ADAT2: variants seen among roughly 807,000 people sequenced by gnomAD.
ADAT2 encodes tRNA-specific adenosine-34 deaminase catalytic subunit ADAT2.
In ADAT2, 26 loss-of-function variants were observed where a neutral mutation model predicts 25.9. The observed-to-expected ratio is 1.00, with a 90% CI of 0.74 to 1.39. The LOEUF is 1.39. Among genes scored for constraint, ADAT2 ranks in the 40% most tolerant of loss-of-function variants. The pLI is 0.00. For missense variants in ADAT2, 220 were observed against 244.8 expected (o/e 0.90, Z 0.68); for synonymous variants, 76 against 86.8 (o/e 0.88, Z 0.69).
intron 1 of ADAT2, chr6:143,441,776 T>C (rs980294824): frequency 6.6e-6 from 1 of 151,996 alleles, no homozygotes; most frequent in Non-Finnish European, 1.5e-5. Flanking sequence ...ATAACACACA[T>C]AGCAAATAAG....
At position 143,442,476 on chromosome 6, in the gene ADAT2, TACACACACACAC is replaced by T. The variant is rs35133336; in HGVS notation, c.97-3794_97-3783del. 2.1e-5 allele frequency among the ~76,000 whole-genome samples: 3 copies of T among 142,142 alleles called. No homozygotes were observed. Among genetic ancestry groups the T allele is most frequent in the East Asian group, 2.1e-4 (1 of 4,828 alleles). The allele number at this position is 142,142 out of a possible 152,430, so 93.3% of individuals were successfully genotyped here. ...CATGACAAAATTGCATAGGCACGCA[TACACACACACAC>T]ACACACACACACACACACACACGTA... On this transcript the variant is annotated intron_variant, in intron 1 of 5. Coordinates refer to ENST00000237283, the MANE Select transcript of ADAT2 (RefSeq NM_182503.3). The surrounding 1 kb of genome is among the most constrained non-coding windows in gnomAD (Gnocchi z 4.6).
chr6:143,426,499 G>A lies in ADAT2; in HGVS notation c.*1964C>T, dbSNP rs999804174. ...TACTGAAGAGGGAACCAAAAAGATGGTAAACCACAATTAAATTGTTCAGCT... is the reference window on the plus strand; with the variant it reads ...TACTGAAGAGGGAACCAAAAAGATGATAAACCACAATTAAATTGTTCAGCT... On this transcript the variant is annotated 3_prime_UTR_variant, in exon 6 of 6. Transcript: ENST00000237283. The surrounding 1 kb of genome is among the most constrained non-coding windows in gnomAD (Gnocchi z 4.1). 1 of 152,148 alleles carries A rather than the reference G, an allele frequency of 6.6e-6. No homozygotes were observed. Among genetic ancestry groups the A allele is most frequent in the African/African-American group, 2.4e-5 (1 of 41,432 alleles). The allele number at this position is 152,148 out of a possible 1,614,324, so 9.4% of individuals were successfully genotyped here.
rs1779017988 is a variant in ADAT2 at position 143,428,745 on chromosome 6, T to C, written c.460-61A>G. The C allele has an allele frequency of 1.4e-6, 2 of 1,460,846 alleles. No individual in the cohort carries two copies. The highest frequency in any genetic ancestry group is 2.4e-5 in the South Asian group (2 of 84,146). The allele number at this position is 1,460,846 out of a possible 1,614,324, so 90.5% of individuals were successfully genotyped here. On this transcript the variant is annotated intron_variant, in intron 4 of 5. Coordinates refer to ENST00000237283, the MANE Select transcript of ADAT2 (RefSeq NM_182503.3). This position sits in a 1 kb window ranked among gnomAD's most constrained non-coding sequence, Gnocchi z 5.0. ...CTATGAAAATGTGTGCTGTATCCCA[T>C]AAAAACAACATATATATACATGATT... is the stretch of plus-strand genomic sequence containing the variant.
rs534181429 is a variant in ADAT2 at position 143,431,893 on chromosome 6, T to C, written c.459+612A>G. Reference sequence around the variant, plus strand: ...CTGAAATACAAATTCCTTTTGTTCATAGTCTGACCCATAAAAACTTTGGGA... The same window carrying C: ...CTGAAATACAAATTCCTTTTGTTCACAGTCTGACCCATAAAAACTTTGGGA... On this transcript the variant is annotated intron_variant, in intron 4 of 5. Coordinates refer to ENST00000237283, the MANE Select transcript of ADAT2 (RefSeq NM_182503.3). Among the ~76,000 whole-genome samples the C allele has an allele frequency of 2.6e-5, 4 of 152,188 alleles. No individual in the cohort carries two copies. In the East Asian group the frequency reaches 5.8e-4, roughly 22 times the overall value.
chr6:143,447,375 C>T (rs1212743732), intron 1 of ADAT2, among the ~76,000 whole-genome samples: 2 of 152,046 alleles, frequency 1.3e-5, no homozygotes, highest in Non-Finnish European at 2.9e-5. Context: ...GGTAGTCACT[C>T]CATAGCAACA....
rs1013417045 is a variant in ADAT2 at position 143,428,831 on chromosome 6, T to C, written c.460-147A>G. On this transcript the variant is annotated intron_variant, in intron 4 of 5. Coordinates refer to ENST00000237283, the MANE Select transcript of ADAT2 (RefSeq NM_182503.3). The surrounding 1 kb of genome is among the most constrained non-coding windows in gnomAD (Gnocchi z 5.0). ...GATATTAGTAACATGGGTAAGGAGG[T>C]ACACTTCCAAAAGATGTTTGATATA... The C allele has an allele frequency of 1.2e-4, 86 of 709,688 alleles. 1 individual carries two copies. The highest frequency in any genetic ancestry group is 2.4e-4 in the Admixed American group (8 of 33,474). The allele number at this position is 709,688 out of a possible 1,614,324, so 44.0% of individuals were successfully genotyped here. A position where few individuals can be genotyped will look rare whatever the true frequency, so the allele number is the denominator to read the frequency against.
At chr6:143,448,503 A>G in intron 1 of ADAT2, among the ~76,000 whole-genome samples, 1 of 152,206 alleles carries the variant, frequency 6.6e-6, no homozygotes, top group Admixed American at 6.5e-5. Flanking sequence ...CATGTTACAT[A>G]CAAAAAAAAA....
At position 143,427,486 on chromosome 6, in the gene ADAT2, A is replaced by T. The variant is rs17355274; in HGVS notation, c.*977T>A. The T allele has an allele frequency of 0.06, 9,117 of 152,302 alleles. 365 individuals carry two copies. The highest frequency in any genetic ancestry group is 0.092 in the Non-Finnish European group (6,251 of 68,000). 9.4% of individuals were successfully genotyped at this position (152,302 alleles called of 1,614,324 possible). ...GTGAACTGGGGACTTCCTGCTGTGG[A>T]TACCCTTTCCAGTGTTGTGTTCAAA... On this transcript the variant is annotated 3_prime_UTR_variant, in exon 6 of 6. Transcript: ENST00000237283.
rs369961060 is a variant in ADAT2 at position 143,425,500 on chromosome 6, C to CAAAAAA, written c.*2957_*2962dup. The stretch of plus-strand genomic sequence containing the variant: ...CTGGACGACAGAGTGAGACCTATCT[C>CAAAAAA]AAAAAAAAAAAAAAAAAAGAAAAAG... On this transcript the variant is annotated 3_prime_UTR_variant, in exon 6 of 6. Transcript: ENST00000237283. 4.2e-5 allele frequency: 5 copies of CAAAAAA among 118,788 alleles called. No homozygotes were observed. Among genetic ancestry groups the CAAAAAA allele is most frequent in the South Asian group, 3.0e-4 (1 of 3,382 alleles). 7.4% of individuals were successfully genotyped at this position (118,788 alleles called of 1,614,324 possible).
rs1778978691 is a variant in ADAT2, at chr6:143,427,668, C to T, written c.*795G>A. The stretch of plus-strand genomic sequence containing the variant: ...GTGTTCCTTTTGCTTTTTGCCATAA[C>T]TCTTATTGTCCTCCAATAAACTGTG... On this transcript the variant is annotated 3_prime_UTR_variant, in exon 6 of 6. Coordinates refer to ENST00000237283, the MANE Select transcript of ADAT2 (RefSeq NM_182503.3). 1 of 152,186 alleles carries T rather than the reference C, an allele frequency of 6.6e-6. No homozygotes were observed. The highest frequency in any genetic ancestry group is 2.4e-5 in the African/African-American group (1 of 41,452). The allele number at this position is 152,186 out of a possible 1,614,324, so 9.4% of individuals were successfully genotyped here. A position where few individuals can be genotyped will look rare whatever the true frequency, so the allele number is the denominator to read the frequency against.
In ADAT2 at chr6:143,450,685, C is replaced by T. The variant is rs1460049108; in HGVS notation, c.-27G>A. The T allele has an allele frequency of 1.2e-6, 2 of 1,609,478 alleles. No individual in the cohort carries two copies. The highest frequency in any genetic ancestry group is 1.1e-5 in the South Asian group (1 of 90,972). ...CCCAGCCACCACTCAGCTACAGAGC[C>T]CGCGGCAGAGGAGGAGCGCGGGCAG... is the stretch of plus-strand genomic sequence containing the variant. On this transcript the variant is annotated 5_prime_UTR_variant, in exon 1 of 6. Coordinates refer to ENST00000237283, the MANE Select transcript of ADAT2 (RefSeq NM_182503.3).
rs375483272 is a variant in ADAT2 at position 143,432,661 on chromosome 6, C to A, written c.353-50G>T. On this transcript the variant is annotated intron_variant, in intron 3 of 5. Transcript: ENST00000237283. This position sits in a 1 kb window ranked among gnomAD's most constrained non-coding sequence, Gnocchi z 4.4. ...TAGAATGTACATTTCAAGTATGTAT[C>A]GTGACAAAATCAGAGTAGGTTTATA... is the stretch of plus-strand genomic sequence containing the variant. 2.5e-6 allele frequency: 4 copies of A among 1,574,816 alleles called. No individual in the cohort carries two copies. The highest frequency in any genetic ancestry group is 3.5e-6 in the Non-Finnish European group (4 of 1,145,050).
Position 143,450,502 on chromosome 6 carries a change from G to A in ADAT2, c.96+61C>T, listed in dbSNP as rs976421991. On this transcript the variant is annotated intron_variant, in intron 1 of 5. Coordinates refer to ENST00000237283, the MANE Select transcript of ADAT2 (RefSeq NM_182503.3). ...GAAAGAACGTTTGCTCAAATGCCGG[G>A]GTCGGGTTGAGGGCTGGAGAAAGGT... 12 of 1,548,860 alleles carry A rather than the reference G, an allele frequency of 7.7e-6. 1 individual carries two copies. In the East Asian group the frequency reaches 2.7e-4, roughly 35 times the overall value.
chr6:143,449,141 A>C (rs1467508164), intron 1 of ADAT2, among the ~76,000 whole-genome samples: 1 of 152,032 alleles, frequency 6.6e-6, no homozygotes, highest in African/African-American at 2.4e-5. Context: ...CAATCTCCCA[A>C]GGCTCAAGCA....
At chr6:143,433,698 C>G (rs1779182006) in intron 3 of ADAT2, 133 bp downstream of exon 3, 1 of 917,030 alleles carries the variant, frequency 1.1e-6, no homozygotes, top group Non-Finnish European at 1.5e-6. Context: ...TTTTTTTTGG[C>G]TAAGACACAC....
intron 1 of ADAT2, among the ~76,000 whole-genome samples, chr6:143,445,433 T>C (rs1034551892): frequency 5.3e-5 from 8 of 152,190 alleles, no homozygotes; most frequent in African/African-American, 1.7e-4. Flanking sequence ...TCTAGATAGA[T>C]AGATAGATCT....
chr6:143,444,898 A>C lies in ADAT2; in HGVS notation c.96+5665T>G. On this transcript the variant is annotated intron_variant, in intron 1 of 5. Coordinates refer to ENST00000237283, the MANE Select transcript of ADAT2 (RefSeq NM_182503.3). This position sits in a 1 kb window ranked among gnomAD's most constrained non-coding sequence, Gnocchi z 4.3. ...CTATAAACTGCTTTCTAGTGATGTC[A>C]TGATAAAAGGGGGAGAGATGGAAAC... is the stretch of plus-strand genomic sequence containing the variant. 1 of 1,290,162 alleles carries C rather than the reference A, an allele frequency of 7.8e-7. No homozygotes were observed. Among genetic ancestry groups the C allele is most frequent in the Non-Finnish European group, 1.0e-6 (1 of 978,988 alleles). 79.9% of individuals were successfully genotyped at this position (1,290,162 alleles called of 1,614,324 possible). A position where few individuals can be genotyped will look rare whatever the true frequency, so the allele number is the denominator to read the frequency against.
Position 143,442,621 on chromosome 6 carries a change from T to C in ADAT2, c.97-3927A>G, listed in dbSNP as rs902624689. ...GCAAGATGTTACCACTGAAGGACACTAGACACTTGGGTCCTCCCAGTATAT... is the reference window on the plus strand; with the variant it reads ...GCAAGATGTTACCACTGAAGGACACCAGACACTTGGGTCCTCCCAGTATAT... On this transcript the variant is annotated intron_variant, in intron 1 of 5. Coordinates refer to ENST00000237283, the MANE Select transcript of ADAT2 (RefSeq NM_182503.3). The surrounding 1 kb of genome is among the most constrained non-coding windows in gnomAD (Gnocchi z 4.6). 6.6e-6 allele frequency among the ~76,000 whole-genome samples: 1 copy of C among 152,202 alleles called. No homozygotes were observed. Among genetic ancestry groups the C allele is most frequent in the African/African-American group, 2.4e-5 (1 of 41,454 alleles).
intron 1 of ADAT2, among the ~76,000 whole-genome samples, chr6:143,439,343 C>T (rs1290920618): frequency 2.0e-5 from 1 of 49,814 alleles, no homozygotes; most frequent in African/African-American, 9.0e-5. Flanking sequence ...GAATATGTGT[C>T]TACAAAAAAA....
Sources: allele counts gnomAD v4.1 joint callset (sites outside exome capture counted in the v4.1 genomes callset), GRCh38; gene constraint gnomAD v4.1.1; non-coding constraint Gnocchi (gnomAD v3.1); transcripts MANE v1.5; gene names NCBI Gene and HGNC (gene_info 2026-07-23, HGNC 2026-07-21).